Variants in SLC6A6 observed in about 807,000 individuals in gnomAD.
SLC6A6 encodes solute carrier family 6 member 6.
Under a neutral mutation model 68.8 loss-of-function variants are expected in SLC6A6, and 16 were observed. The observed-to-expected ratio is 0.23, with a 90% CI of 0.16 to 0.35. SLC6A6 has a LOEUF of 0.35. SLC6A6 is among the 10% of genes least tolerant of loss of function. The probability of loss-of-function intolerance (pLI) is 1.00; values close to 1 mark genes in which losing one functional copy is unlikely to be tolerated. For synonymous variants in SLC6A6, 312 were observed against 315.4 expected (o/e 0.99, Z 0.12); for missense variants, 474 against 802.8 (o/e 0.59, Z 4.95).
At chr3:14,451,313 C>T (rs575935350) in intron 5 of SLC6A6, among the ~76,000 whole-genome samples, 1 of 152,220 alleles carries the variant, frequency 6.6e-6, no homozygotes, top group African/African-American at 2.4e-5. Context: ...TGGCTCACTT[C>T]CCCATCTGCA....
At chr3:14,439,491 C>T (rs1699933706) in intron 2 of SLC6A6, among the ~76,000 whole-genome samples, 1 of 152,350 alleles carries the variant, frequency 6.6e-6, no homozygotes, top group Non-Finnish European at 1.5e-5. Flanking sequence ...CTGGCTGTCA[C>T]CTCTGGAACA....
At chr3:14,425,052 T>C (rs1228808572) in intron 2 of SLC6A6, among the ~76,000 whole-genome samples, 1 of 152,140 alleles carries the variant, frequency 6.6e-6, no homozygotes. Flanking sequence ...CAAGGTCAAG[T>C]GTTGGTTGAA....
At chr3:14,471,561 G>A (rs981802059) in intron 9 of SLC6A6, among the ~76,000 whole-genome samples, 1 of 152,132 alleles carries the variant, frequency 6.6e-6, no homozygotes, top group Non-Finnish European at 1.5e-5. Context: ...CAGGCCTCAG[G>A]GCTTGCAGGC....
chr3:14,439,254 A>G (rs1699928731), intron 2 of SLC6A6, among the ~76,000 whole-genome samples: 1 of 152,226 alleles, frequency 6.6e-6, no homozygotes, highest in Admixed American at 6.5e-5. Flanking sequence ...TCCTTTATCT[A>G]TAAACTACCA....
intron 14 of SLC6A6, among the ~76,000 whole-genome samples, chr3:14,484,434 G>C (rs1701088253): frequency 6.6e-6 from 1 of 152,242 alleles, no homozygotes; most frequent in Non-Finnish European, 1.5e-5. Flanking sequence ...CCTTGGGGAA[G>C]GTGGGAGCCA....
At chr3:14,439,470 C>A (rs1327950451) in intron 2 of SLC6A6, among the ~76,000 whole-genome samples, 5 of 152,222 alleles carry the variant, frequency 3.3e-5, no homozygotes, top group African/African-American at 1.2e-4. Context: ...TGGTTTCAGG[C>A]ACAGCTGGCT....
chr3:14,475,720 G>T (rs1276596973), intron 10 of SLC6A6, among the ~76,000 whole-genome samples: 2 of 152,162 alleles, frequency 1.3e-5, no homozygotes, highest in Admixed American at 1.3e-4. Context: ...AAGAACCTTT[G>T]TTTTTAGCTC....
In SLC6A6 at chr3:14,468,327, T is replaced by TA; in HGVS notation, c.1096+119dup. 1.2e-6 allele frequency: 1 copy of TA among 825,626 alleles called. No homozygotes were observed. 51.1% of individuals were successfully genotyped at this position (825,626 alleles called of 1,614,324 possible). On this transcript the variant is annotated intron_variant, in intron 9 of 14. Transcript: ENST00000622186. The surrounding 1 kb of genome is among the most constrained non-coding windows in gnomAD (Gnocchi z 4.5). ...TTTGAGGGGGGACGAGCCTGGTTTCTAAAATGGACCCCCCCCCCGCCACCA... is the reference window on the plus strand; with the variant it reads ...TTTGAGGGGGGACGAGCCTGGTTTCTAAAAATGGACCCCCCCCCCGCCACCA...
At chr3:14,422,503 C>T (rs17039524) in intron 2 of SLC6A6, among the ~76,000 whole-genome samples, 2,102 of 152,284 alleles carry the variant, frequency 0.014, 50 homozygotes, top group African/African-American at 0.047. Flanking sequence ...CTGAGCTGAG[C>T]GTCCTCCACT....
intron 13 of SLC6A6, 45 bp downstream of exon 13, chr3:14,479,230 G>T (rs753780527): frequency 8.5e-7 from 1 of 1,180,256 alleles, no homozygotes; most frequent in Non-Finnish European, 1.3e-6. Context: ...TCTTCTCCCT[G>T]GGGCTTGACA....
chr3:14,404,139 G>T (rs1356902580), intron 1 of SLC6A6, among the ~76,000 whole-genome samples: 7 of 152,224 alleles, frequency 4.6e-5, no homozygotes, highest in African/African-American at 7.2e-5. Context: ...CACAGCTGAC[G>T]TTCAAGTAAA....
At chr3:14,428,238 C>G (rs2341969) in intron 2 of SLC6A6, among the ~76,000 whole-genome samples, 61,977 of 152,046 alleles carry the variant, frequency 0.41, 13,914 homozygotes, top group African/African-American at 0.61. Flanking sequence ...GGAGGCCCAG[C>G]TGTTAGGGTG....
chr3:14,443,278 T>C (rs1700033996), intron 2 of SLC6A6, among the ~76,000 whole-genome samples: 1 of 152,210 alleles, frequency 6.6e-6, no homozygotes, highest in African/African-American at 2.4e-5. Context: ...TGTTGTGTTT[T>C]GTGAAAGACG....
Position 14,489,240 on chromosome 3 carries a change from C to T in SLC6A6, c.*4233C>T, listed in dbSNP as rs1701266002. The T allele has an allele frequency of 6.6e-6, 1 of 152,298 alleles. No homozygotes were observed. The highest frequency in any genetic ancestry group is 1.5e-5 in the Non-Finnish European group (1 of 67,986). The allele number at this position is 152,298 out of a possible 1,614,324, so 9.4% of individuals were successfully genotyped here. ...TTTGCAGGGGTTTTTTTCTCTTTTG[C>T]TTTTTAGATAAATATGTATATCAAT... On this transcript the variant is annotated 3_prime_UTR_variant, in exon 15 of 15. Transcript: ENST00000622186.
intron 9 of SLC6A6, among the ~76,000 whole-genome samples, chr3:14,469,511 T>C (rs1234570311): frequency 6.6e-6 from 1 of 152,182 alleles, no homozygotes; most frequent in Admixed American, 6.5e-5. Context: ...AGATGTTCCC[T>C]TCTCAGATGA....
chr3:14,409,270 C>T (rs1231362586), intron 1 of SLC6A6, among the ~76,000 whole-genome samples: 2 of 152,238 alleles, frequency 1.3e-5, no homozygotes, highest in Non-Finnish European at 2.9e-5. Flanking sequence ...CTTTGCGTGT[C>T]CTGTCTGATC....
In SLC6A6 at chr3:14,449,400, G is replaced by A. The variant is rs977144175; in HGVS notation, c.599+1584G>A. Among the ~76,000 whole-genome samples the A allele has an allele frequency of 4.6e-5, 7 of 152,358 alleles. No individual in the cohort carries two copies. The East Asian group carries it at 1.3e-3, about 29-fold the overall frequency. On this transcript the variant is annotated intron_variant, in intron 5 of 14. Coordinates refer to ENST00000622186, the MANE Select transcript of SLC6A6 (RefSeq NM_003043.6). The stretch of plus-strand genomic sequence containing the variant: ...CTGAGTTCACAGACAAAGAAAGGCT[G>A]GCACTTCCTTTTTCTCACTTGAATG...
intron 5 of SLC6A6, among the ~76,000 whole-genome samples, chr3:14,449,226 C>T (rs894309859): frequency 2.6e-5 from 4 of 152,346 alleles, no homozygotes; most frequent in South Asian, 2.1e-4. Context: ...GTGTCACTGT[C>T]GCTGCTCCAG....
intron 5 of SLC6A6, among the ~76,000 whole-genome samples, chr3:14,452,366 T>A (rs1224783069): frequency 1.3e-5 from 2 of 152,214 alleles, no homozygotes; most frequent in Non-Finnish European, 2.9e-5. Flanking sequence ...ACCAGGGATG[T>A]GCTTTGCAGG....
Sources: gnomAD v4.1 joint callset for allele counts (sites outside exome capture counted in the v4.1 genomes callset) on GRCh38, gnomAD v4.1.1 for gene constraint, Gnocchi (gnomAD v3.1) non-coding constraint, MANE v1.5 for transcripts, NCBI Gene and HGNC (gene_info 2026-07-23, HGNC 2026-07-21) for gene names.